The following CACNA1C variants were observed in gnomAD, a reference collection of about 807,000 sequenced individuals.
The protein encoded by CACNA1C is voltage-dependent L-type calcium channel subunit alpha-1C.
Under a neutral mutation model 229.0 loss-of-function variants are expected in CACNA1C, and 30 were observed. That is an observed-to-expected ratio of 0.13 (90% CI 0.10 to 0.18). The LOEUF (loss-of-function observed/expected upper bound fraction) is 0.18. Among genes scored for constraint, CACNA1C ranks in the 10% least tolerant of loss-of-function variants. The probability of loss-of-function intolerance (pLI) is 1.00; values close to 1 mark genes in which losing one functional copy is unlikely to be tolerated. For synonymous variants in CACNA1C, 1,114 were observed against 1,132.5 expected, an observed-to-expected ratio of 0.98 and a Z score of 0.33; for missense variants, 1,658 against 2,845.0, an observed-to-expected ratio of 0.58 and a Z score of 9.49.
chr12:2,661,400 T>A (rs148244369), intron 34 of CACNA1C, among the ~76,000 whole-genome samples: 1,593 of 151,554 alleles, frequency 0.011, 24 homozygotes, highest in African/African-American at 0.037. Flanking sequence ...GCAAATATAT[T>A]TGAAAACCTA....
chr12:2,487,505 A>T (rs750761832), intron 6 of CACNA1C, among the ~76,000 whole-genome samples: 1 of 149,960 alleles, frequency 6.7e-6, no homozygotes, highest in African/African-American at 2.5e-5. Context: ...CTACATAGCC[A>T]CAGTCCTAAA....
At position 2,385,291 on chromosome 12, in the gene CACNA1C, G is replaced by T. The variant is rs997049243; in HGVS notation, c.478-63685G>T. 7.2e-5 allele frequency among the ~76,000 whole-genome samples: 11 copies of T among 152,100 alleles called. No individual in the cohort carries two copies. In the South Asian group the frequency reaches 1.7e-3, roughly 23 times the overall value. On this transcript the variant is annotated intron_variant, in intron 3 of 46. Coordinates refer to ENST00000399655, the MANE Select transcript of CACNA1C (RefSeq NM_000719.7). ...GGCCCCCTCAGATGCACACAGCCAG[G>T]TACTGCACGGCCGGGCCAGAGGCTT...
At chr12:2,160,522 T>G (rs1040141840) in intron 3 of CACNA1C, among the ~76,000 whole-genome samples, 73 of 152,310 alleles carry the variant, frequency 4.8e-4, no homozygotes, top group African/African-American at 1.8e-3. Flanking sequence ...TCTAATGATT[T>G]GAGATCCAGT....
Position 2,054,937 on chromosome 12 carries a change from T to A in CACNA1C, c.49+1326T>A, listed in dbSNP as rs1743574093. ...CCTCTGTTTGCTCCCAGCTCCACCTTTTGGGGACAGGGCCTTCACTCTTTA... is the reference window on the plus strand; with the variant it reads ...CCTCTGTTTGCTCCCAGCTCCACCTATTGGGGACAGGGCCTTCACTCTTTA... On this transcript the variant is annotated intron_variant, in intron 1 of 46. Transcript: ENST00000399655. The surrounding 1 kb of genome is among the most constrained non-coding windows in gnomAD (Gnocchi z 5.5). Among the ~76,000 whole-genome samples the A allele has an allele frequency of 1.3e-5, 2 of 152,334 alleles. No individual in the cohort carries two copies. The highest frequency in any genetic ancestry group is 2.1e-4 in the South Asian group (1 of 4,830).
intron 3 of CACNA1C, among the ~76,000 whole-genome samples, chr12:2,122,501 T>C (rs1201338912): frequency 6.6e-6 from 1 of 152,178 alleles, no homozygotes; most frequent in Non-Finnish European, 1.5e-5. Context: ...TTCTGCCCCA[T>C]GGAGAAACCC....
chr12:2,500,743 A>G (rs1352106986), intron 7 of CACNA1C, among the ~76,000 whole-genome samples: 1 of 152,144 alleles, frequency 6.6e-6, no homozygotes, highest in Non-Finnish European at 1.5e-5. Context: ...GGTCGAACAG[A>G]ACAGACCAGT....
intron 3 of CACNA1C, among the ~76,000 whole-genome samples, chr12:2,154,400 C>T (rs115966005): frequency 8.5e-5 from 13 of 152,338 alleles, no homozygotes; most frequent in Non-Finnish European, 1.5e-4. Context: ...CCCGCACACA[C>T]GGAATCTTCC....
intron 2 of CACNA1C, among the ~76,000 whole-genome samples, chr12:2,119,433 A>G (rs2085490022): frequency 6.6e-6 from 1 of 152,052 alleles, no homozygotes; most frequent in African/African-American, 2.4e-5. Context: ...CCTTCCATGG[A>G]GGGTGTGGGG....
intron 1 of CACNA1C, among the ~76,000 whole-genome samples, chr12:2,058,540 A>G (rs1375827455): frequency 6.6e-6 from 1 of 152,200 alleles, no homozygotes; most frequent in East Asian, 1.9e-4. Flanking sequence ...TTAAAAAAAA[A>G]GGCATGGGGA....
At chr12:2,079,996 C>T (rs553663424) in intron 1 of CACNA1C, among the ~76,000 whole-genome samples, 2 of 152,218 alleles carry the variant, frequency 1.3e-5, no homozygotes, top group African/African-American at 4.8e-5. Flanking sequence ...TGTGGTGGCT[C>T]ACACCTGTAA....
In CACNA1C at chr12:2,480,558, G is replaced by A. The variant is rs76506963; in HGVS notation, c.758-5546G>A. On this transcript the variant is annotated intron_variant, in intron 5 of 46. Transcript: ENST00000399655. Reference sequence around the variant, plus strand: ...CTCTAGCACGCAAGCATGGCTCATGGCCTGTAGAGCTTAGCTCAGTAAATA... The same window carrying A: ...CTCTAGCACGCAAGCATGGCTCATGACCTGTAGAGCTTAGCTCAGTAAATA... Among the ~76,000 whole-genome samples, 1,224 of 152,334 alleles carry A rather than the reference G, an allele frequency of 8.0e-3. 13 individuals are homozygous for A. Among genetic ancestry groups the A allele is most frequent in the East Asian group, 0.049 (255 of 5,184 alleles).
At chr12:2,442,292 G>C (rs192974149) in intron 3 of CACNA1C, among the ~76,000 whole-genome samples, 4 of 152,298 alleles carry the variant, frequency 2.6e-5, no homozygotes, top group African/African-American at 7.2e-5. Context: ...ATGATTCCTG[G>C]AACTGGGGCT....
chr12:2,606,972 C>T lies in CACNA1C; in HGVS notation c.3210-12C>T. On this transcript the variant is annotated splice_polypyrimidine_tract_variant and intron_variant, in intron 25 of 46. Transcript: ENST00000399655. ...GAGATCCCAGAGTAAACTCCTTCTC[C>T]TCCTCTCTCAGGGGCAACTACATCA... 1.2e-6 allele frequency: 2 copies of T among 1,613,078 alleles called. No homozygotes were observed. Among genetic ancestry groups the T allele is most frequent in the Non-Finnish European group, 1.7e-6 (2 of 1,179,118 alleles).
intron 42 of CACNA1C, chr12:2,680,357 C>T (rs1304290361): frequency 2.6e-6 from 4 of 1,542,106 alleles, no homozygotes; most frequent in African/African-American, 1.4e-5. Flanking sequence ...CATCCCTGTG[C>T]TCTAGGATGC....
chr12:2,290,223 C>T (rs760365679), intron 3 of CACNA1C, among the ~76,000 whole-genome samples: 16 of 152,186 alleles, frequency 1.1e-4, no homozygotes, highest in Non-Finnish European at 2.4e-4. Flanking sequence ...GAGAGAGCCT[C>T]CTGGCCAGCG....
At chr12:2,594,922 C>T (rs2067364013) in intron 19 of CACNA1C, among the ~76,000 whole-genome samples, 2 of 152,350 alleles carry the variant, frequency 1.3e-5, no homozygotes, top group South Asian at 4.1e-4. Context: ...CTTGACAGCA[C>T]TGCTGTTATT....
At chr12:2,237,078 T>A (rs1276833207) in intron 3 of CACNA1C, among the ~76,000 whole-genome samples, 1 of 152,218 alleles carries the variant, frequency 6.6e-6, no homozygotes, top group Non-Finnish European at 1.5e-5. Flanking sequence ...TGTATCTGCT[T>A]GCTTGTCGTG....
chr12:2,548,127 G>C, intron 9 of CACNA1C, among the ~76,000 whole-genome samples: 1 of 152,292 alleles, frequency 6.6e-6, no homozygotes, highest in East Asian at 1.9e-4. Flanking sequence ...AAGACTGAGA[G>C]TGCTTCCATT....
chr12:1,986,280 A>G lies in CACNA1C; in HGVS notation c.139+15079A>G, dbSNP rs185591984. Among the ~76,000 whole-genome samples, 158 of 152,124 alleles carry G rather than the reference A, an allele frequency of 1.0e-3. 4 individuals are homozygous for G. The East Asian group carries it at 0.027, about 26-fold the overall frequency. On this transcript the variant is annotated intron_variant, in intron 1 of 46. Transcript: ENST00000682462. ...ACCCAGGATTTGCATGAGTTCCTAG[A>G]CAGAATTAGGAGATCTCCTCATCCA... is the stretch of plus-strand genomic sequence containing the variant.
Sources: allele counts gnomAD v4.1 joint callset (sites outside exome capture counted in the v4.1 genomes callset), GRCh38; gene constraint gnomAD v4.1.1; non-coding constraint Gnocchi (gnomAD v3.1); transcripts MANE v1.5; gene names NCBI Gene and HGNC (gene_info 2026-07-23, HGNC 2026-07-21).